NIBAN3: variants seen among roughly 807,000 people sequenced by gnomAD.
NIBAN3 encodes the protein niban apoptosis regulator 3, also known as protein Niban 3.
Under a neutral mutation model 76.4 loss-of-function variants are expected in NIBAN3, and 66 were observed. The observed-to-expected ratio is 0.86, with a 90% CI of 0.71 to 1.06. The LOEUF is 1.06. Ranked by LOEUF, NIBAN3 falls within the 50% of genes least tolerant of loss-of-function variation. The probability of loss-of-function intolerance (pLI) is 0.00; values close to 1 mark genes in which losing one functional copy is unlikely to be tolerated. For synonymous variants in NIBAN3, 360 were observed against 355.2 expected (o/e 1.01, Z -0.15); for missense variants, 808 against 810.7 (o/e 1.00, Z 0.04).
chr19:17,536,082 T>TC (rs904049417), intron 4 of NIBAN3, among the ~76,000 whole-genome samples: 5 of 152,096 alleles, frequency 3.3e-5, no homozygotes, highest in African/African-American at 1.2e-4. Flanking sequence ...TGGAGAAATG[T>TC]CCCCTAAACT....
chr19:17,548,189 G>C (rs1015120797), intron 13 of NIBAN3, among the ~76,000 whole-genome samples: 1 of 152,138 alleles, frequency 6.6e-6, no homozygotes, highest in Non-Finnish European at 1.5e-5. Flanking sequence ...TGCACTGATT[G>C]GGGGGTGAAC....
At position 17,539,284 on chromosome 19, in the gene NIBAN3, C is replaced by CGCA. The variant is rs1409188264; in HGVS notation, c.711+20_711+22dup. 1 of 1,578,730 alleles carries CGCA rather than the reference C, an allele frequency of 6.3e-7. No homozygotes were observed. Among genetic ancestry groups the CGCA allele is most frequent in the East Asian group, 2.3e-5 (1 of 42,762 alleles). ...CGCCGAGGTTAGTGCCCCGCGAGGC[C>CGCA]GCACCCGGGACCCCCAGGACCCTCC... On this transcript the variant is annotated intron_variant, in intron 6 of 14. Coordinates refer to ENST00000599164, the MANE Select transcript of NIBAN3 (RefSeq NM_001321827.2).
rs1034143130 is a variant in NIBAN3 at position 17,542,416 on chromosome 19, A to C, written c.1329+122A>C. On this transcript the variant is annotated intron_variant, in intron 10 of 14. Transcript: ENST00000599164. This position sits in a 1 kb window ranked among gnomAD's most constrained non-coding sequence, Gnocchi z 4.8. ...ACAACTCCGCGGGGCTGCCAGTCTC[A>C]TGGGGACATGAGCCCGTGACCAGGC... The C allele has an allele frequency of 2.7e-5, 29 of 1,083,936 alleles. No individual in the cohort carries two copies. Among genetic ancestry groups the C allele is most frequent in the Non-Finnish European group, 3.7e-5 (28 of 763,418 alleles). 67.1% of individuals were successfully genotyped at this position (1,083,936 alleles called of 1,614,324 possible).
At chr19:17,541,669 T>C (rs1371324597) in intron 9 of NIBAN3, among the ~76,000 whole-genome samples, 1 of 146,508 alleles carries the variant, frequency 6.8e-6, no homozygotes, top group Non-Finnish European at 1.5e-5. Context: ...TTTATTTTAT[T>C]TTATTTTATT....
At position 17,553,554 on chromosome 19, in the gene NIBAN3, A is replaced by G. The variant is rs373133380; in HGVS notation, c.*1656A>G. Reference sequence around the variant, plus strand: ...CTGTCTGGAGTTTTCGGCCTACCCCAAGACAATGAGATATTCCTGACCTTT... The same window carrying G: ...CTGTCTGGAGTTTTCGGCCTACCCCGAGACAATGAGATATTCCTGACCTTT... On this transcript the variant is annotated 3_prime_UTR_variant, in exon 15 of 15. Coordinates refer to ENST00000599164, the MANE Select transcript of NIBAN3 (RefSeq NM_001321827.2). The G allele has an allele frequency of 2.5e-6, 4 of 1,613,888 alleles. No individual in the cohort carries two copies. The African/African-American group carries it at 5.3e-5, about 22-fold the overall frequency.
chr19:17,549,564 A>T, intron 14 of NIBAN3, 37 bp downstream of exon 14: 1 of 1,532,652 alleles, frequency 6.5e-7, no homozygotes, highest in Non-Finnish European at 9.0e-7. Flanking sequence ...CATGCCAGTG[A>T]TTGCTGGGGG....
In NIBAN3 at chr19:17,553,479, T is replaced by G. The variant is rs770277360; in HGVS notation, c.*1581T>G. The G allele has an allele frequency of 1.9e-6, 3 of 1,614,220 alleles. No individual in the cohort carries two copies. Among genetic ancestry groups the G allele is most frequent in the Non-Finnish European group, 2.5e-6 (3 of 1,180,052 alleles). On this transcript the variant is annotated 3_prime_UTR_variant, in exon 15 of 15. Coordinates refer to ENST00000599164, the MANE Select transcript of NIBAN3 (RefSeq NM_001321827.2). ...ACAGGGATTCCCGTGTGTTCTTGGT[T>G]CAGCTTGCAGAGGGACTTTCACACT... is the stretch of plus-strand genomic sequence containing the variant.
rs751053576 is a variant in NIBAN3, at chr19:17,537,374, AG to A, written c.428del. On this transcript the variant is annotated splice_acceptor_variant, in intron 4 of 14. Transcript: ENST00000599164. LOFTEE classifies it high-confidence loss of function. The stretch of plus-strand genomic sequence containing the variant: ...AAGATGCGACCTCCTGTTTGTTTTC[AG>A]GAGACCATACTCAGGAAGAGCCTGA... 1.2e-6 allele frequency: 2 copies of A among 1,612,676 alleles called. No individual in the cohort carries two copies. The highest frequency in any genetic ancestry group is 1.7e-6 in the Non-Finnish European group (2 of 1,179,304).
chr19:17,540,400 AG>A lies in NIBAN3; in HGVS notation c.992del (p.Gly331AspfsTer73). On this transcript the variant is annotated frameshift_variant, in exon 9 of 15. Coordinates refer to ENST00000599164, the MANE Select transcript of NIBAN3 (RefSeq NM_001321827.2). LOFTEE classifies it high-confidence loss of function. ...GTGTCTTCCACTCCCAGCGGATATCAGGGGACCGCTCGAGTCGTGCCTGCGC... is the reference window on the plus strand; with the variant it reads ...GTGTCTTCCACTCCCAGCGGATATCAGGGACCGCTCGAGTCGTGCCTGCGC... ...RVAGRLRTDI[R>X]GPLESCLRRE... 2.0e-6 allele frequency: 3 copies of A among 1,496,154 alleles called. No homozygotes were observed. Among genetic ancestry groups the A allele is most frequent in the East Asian group, 2.5e-5 (1 of 40,126 alleles). The allele number at this position is 1,496,154 out of a possible 1,614,324, so 92.7% of individuals were successfully genotyped here.
chr19:17,547,900 C>T (rs549821869), intron 13 of NIBAN3, among the ~76,000 whole-genome samples: 192 of 152,192 alleles, frequency 1.3e-3, no homozygotes, highest in African/African-American at 4.4e-3. Flanking sequence ...CTCATGACCT[C>T]GTGATCCGCC....
intron 4 of NIBAN3, among the ~76,000 whole-genome samples, chr19:17,534,386 C>T (rs1181414414): frequency 5.9e-5 from 9 of 152,162 alleles, no homozygotes; most frequent in Non-Finnish European, 1.2e-4. Context: ...TAATGACATG[C>T]GCCTGTAATC....
In NIBAN3 at chr19:17,534,305, A is replaced by T. The variant is rs1053309745; in HGVS notation, c.427+604A>T. ...CGAGGTGGGCGGATCACTTGAGGTC[A>T]GGAGTTCGAGACTAGCCTGGCCAAC... is the stretch of plus-strand genomic sequence containing the variant. On this transcript the variant is annotated intron_variant, in intron 4 of 14. Coordinates refer to ENST00000599164, the MANE Select transcript of NIBAN3 (RefSeq NM_001321827.2). Among the ~76,000 whole-genome samples the T allele has an allele frequency of 2.0e-5, 3 of 152,172 alleles. No individual in the cohort carries two copies. In the East Asian group the frequency reaches 5.8e-4, roughly 29 times the overall value.
Position 17,529,693 on chromosome 19 carries a change from G to A in NIBAN3, c.56-1062G>A, listed in dbSNP as rs377700621. Among the ~76,000 whole-genome samples, 42 of 152,180 alleles carry A rather than the reference G, an allele frequency of 2.8e-4. 1 individual carries two copies. Among genetic ancestry groups the A allele is most frequent in the Non-Finnish European group, 1.5e-4 (10 of 68,036 alleles). ...GGACACTTTTGGGTGTGATGGATCC[G>A]CTCATCTTGATTGTGGTGAGGGTTT... is the stretch of plus-strand genomic sequence containing the variant. On this transcript the variant is annotated intron_variant, in intron 1 of 14. Transcript: ENST00000599164.
chr19:17,532,132 ACT>A (rs1243923752), intron 2 of NIBAN3, 129 bp from the exon 3 acceptor site: 26 of 1,210,226 alleles, frequency 2.1e-5, no homozygotes, highest in Non-Finnish European at 7.8e-6. Flanking sequence ...CCTGCCTAGG[ACT>A]CTCTCTGTCC....
At chr19:17,524,915 T>C (rs116234123), upstream of NIBAN3, among the ~76,000 whole-genome samples, 1,506 of 152,332 alleles carry the variant, frequency 9.9e-3, 19 homozygotes, top group African/African-American at 0.035. Flanking sequence ...ATGGCCAGCC[T>C]GGGTTGCACA....
chr19:17,532,151 G>T, intron 2 of NIBAN3, 112 bp from the exon 3 acceptor site: 1 of 1,338,140 alleles, frequency 7.5e-7, no homozygotes, highest in Non-Finnish European at 1.0e-6. Context: ...GTCCAGCCTG[G>T]GGCATCACGG....
intron 9 of NIBAN3, 147 bp downstream of exon 9, chr19:17,540,729 T>C (rs1418381458): frequency 3.6e-6 from 2 of 559,922 alleles, no homozygotes; most frequent in Admixed American, 8.6e-5. Context: ...TGGAGCACAG[T>C]TTTTGTTTGT....
At chr19:17,551,544 A>G (rs1044772072) in intron 14 of NIBAN3, among the ~76,000 whole-genome samples, 1 of 151,772 alleles carries the variant, frequency 6.6e-6, no homozygotes, top group Non-Finnish European at 1.5e-5. Context: ...AGTAGCTGGG[A>G]TTACAGGCGC....
At position 17,542,288 on chromosome 19, in the gene NIBAN3, A is replaced by G. The variant is rs911944274; in HGVS notation, c.1323A>G (p.Ala441=). ...QSLVFGAQDL[A]QQLMADAVAT... is the part of the protein sequence containing the mutation. Reference sequence around the variant, plus strand: ...TCGTGTTTGGGGCCCAAGATCTTGCACAGCAGGTGAGGGTGAGAGGAGGCT... The same window carrying G: ...TCGTGTTTGGGGCCCAAGATCTTGCGCAGCAGGTGAGGGTGAGAGGAGGCT... Residue 441 remains alanine, a synonymous_variant, in exon 10 of 15, where the codon GCA becomes GCG. Coordinates refer to ENST00000599164, the MANE Select transcript of NIBAN3 (RefSeq NM_001321827.2). This position sits in a 1 kb window ranked among gnomAD's most constrained non-coding sequence, Gnocchi z 4.8. The G allele has an allele frequency of 1.9e-6, 3 of 1,607,462 alleles. No homozygotes were observed. The highest frequency in any genetic ancestry group is 2.5e-6 in the Non-Finnish European group (3 of 1,176,746).
Sources: gnomAD v4.1 joint callset for allele counts (sites outside exome capture counted in the v4.1 genomes callset) on GRCh38, gnomAD v4.1.1 for gene constraint, Gnocchi (gnomAD v3.1) non-coding constraint, MANE v1.5 for transcripts, NCBI Gene and HGNC (gene_info 2026-07-23, HGNC 2026-07-21) for gene names.